TIAM1: variants seen among roughly 807,000 people sequenced by gnomAD.
TIAM1 encodes the protein rho guanine nucleotide exchange factor TIAM1.
Under a neutral mutation model 163.5 loss-of-function variants are expected in TIAM1, and 65 were observed. The ratio of observed to expected loss-of-function variants is 0.40; its 90% CI spans 0.33 to 0.49. TIAM1 has a LOEUF of 0.49. TIAM1 is among the 20% of genes least tolerant of loss of function. The pLI is 0.77. For missense variants in TIAM1, 1,789 were observed against 2,044.7 expected, an observed-to-expected ratio of 0.87 and a Z score of 2.41; for synonymous variants, 833 against 810.1, an observed-to-expected ratio of 1.03 and a Z score of -0.48.
chr21:31,287,526 C>T (rs574241002), intron 2 of TIAM1, among the ~76,000 whole-genome samples: 5 of 152,100 alleles, frequency 3.3e-5, no homozygotes, highest in Admixed American at 1.3e-4. Context: ...GAGAGGCTCT[C>T]GGTTGAACCT....
At chr21:31,151,717 C>G (rs1033599436) in intron 19 of TIAM1, among the ~76,000 whole-genome samples, 1 of 152,094 alleles carries the variant, frequency 6.6e-6, no homozygotes, top group Admixed American at 6.5e-5. Flanking sequence ...GCAGCATATT[C>G]TACTGCACAA....
At chr21:31,430,225 AATATATATATATATAT>A (rs35708801) in intron 2 of TIAM1, among the ~76,000 whole-genome samples, 12 of 90,234 alleles carry the variant, frequency 1.3e-4, no homozygotes, top group African/African-American at 6.9e-4. Flanking sequence ...AAAAAAAAAA[AATATATATATATATAT>A]ATATATACAC....
chr21:31,155,242 A>G (rs1405543342), intron 16 of TIAM1, among the ~76,000 whole-genome samples: 1 of 152,218 alleles, frequency 6.6e-6, no homozygotes, highest in Non-Finnish European at 1.5e-5. Context: ...AGTTCTCCAA[A>G]GCAAGGGCTG....
intron 2 of TIAM1, among the ~76,000 whole-genome samples, chr21:31,384,609 C>A (rs1477421696): frequency 6.6e-6 from 1 of 151,966 alleles, no homozygotes; most frequent in African/African-American, 2.4e-5. Flanking sequence ...TCCCAACCTC[C>A]TTGAATTATT....
intron 2 of TIAM1, among the ~76,000 whole-genome samples, chr21:31,460,436 G>A (rs1275012835): frequency 4.6e-5 from 7 of 152,148 alleles, no homozygotes; most frequent in Admixed American, 4.6e-4. Flanking sequence ...AGATCAGCCT[G>A]GCCAACATAG....
At chr21:31,271,704 A>ATAGTCAGGGTAATAG in intron 3 of TIAM1, among the ~76,000 whole-genome samples, 2 of 99,996 alleles carry the variant, frequency 2.0e-5, no homozygotes, top group Admixed American at 1.1e-4. Flanking sequence ...TGAGAGGGCA[A>ATAGTCAGGGTAATAG]GTGTAGAACT....
At chr21:31,302,435 A>G (rs1333002864) in intron 2 of TIAM1, among the ~76,000 whole-genome samples, 1 of 152,236 alleles carries the variant, frequency 6.6e-6, no homozygotes, top group Non-Finnish European at 1.5e-5. Flanking sequence ...GTATTAATGA[A>G]TGCTGTCTTT....
In TIAM1 at chr21:31,492,043, A is replaced by ATG. The variant is rs747327262; in HGVS notation, c.-421-28010_-421-28009dup. 2.6e-4 allele frequency among the ~76,000 whole-genome samples: 36 copies of ATG among 141,096 alleles called. No homozygotes were observed. In the South Asian group the frequency reaches 4.3e-3, roughly 17 times the overall value. The allele number at this position is 141,096 out of a possible 152,430, so 92.6% of individuals were successfully genotyped here. A position where few individuals can be genotyped will look rare whatever the true frequency, so the allele number is the denominator to read the frequency against. On this transcript the variant is annotated intron_variant, in intron 1 of 28. Coordinates refer to the TIAM1 transcript ENST00000286827. ...AAGCATTAAAAATAATTACTTATATATGTGTGTATATATATATGTGATGTG... is the reference window on the plus strand; with the variant it reads ...AAGCATTAAAAATAATTACTTATATATGTGTGTGTATATATATATGTGATGTG...
rs1225762072 is a variant in TIAM1, at chr21:31,462,749, GTTT to G, written c.-369+1231_-369+1233del. Among the ~76,000 whole-genome samples the G allele has an allele frequency of 1.3e-3, 27 of 21,170 alleles. 1 individual carries two copies. The highest frequency in any genetic ancestry group is 6.0e-3 in the East Asian group (1 of 168). The allele number at this position is 21,170 out of a possible 152,430, so 13.9% of individuals were successfully genotyped here. A position where few individuals can be genotyped will look rare whatever the true frequency, so the allele number is the denominator to read the frequency against. ...CCCCACTTTTTTGTTTTTTTTTTTT[GTTT>G]TTTTTTTTGAGACCAAGTCTCACTC... is the stretch of plus-strand genomic sequence containing the variant. On this transcript the variant is annotated intron_variant, in intron 2 of 28. Transcript: ENST00000286827.
rs76096786 is a variant in TIAM1, at chr21:31,257,290, G to A, written c.964-5101C>T. ...AACAACCCATTCCTTTTCTTCTAAC[G>A]ATTTCCAATGGGAGTGACTCACAAT... On this transcript the variant is annotated intron_variant, in intron 4 of 27. Transcript: ENST00000541036. 5.2e-3 allele frequency among the ~76,000 whole-genome samples: 789 copies of A among 151,922 alleles called. 6 individuals carry two copies. The highest frequency in any genetic ancestry group is 0.018 in the African/African-American group (737 of 41,406).
At chr21:31,500,548 T>C (rs901678405) in intron 1 of TIAM1, among the ~76,000 whole-genome samples, 1 of 152,164 alleles carries the variant, frequency 6.6e-6, no homozygotes, top group East Asian at 1.9e-4. Flanking sequence ...AATATGACCT[T>C]ATCTGGAAAC....
chr21:31,133,093 ATCCT>A (rs1424608327), intron 23 of TIAM1, among the ~76,000 whole-genome samples: 2 of 152,100 alleles, frequency 1.3e-5, no homozygotes, highest in African/African-American at 4.8e-5. Context: ...GGTAACCATG[ATCCT>A]TCCTTCACAG....
chr21:31,150,384 C>G (rs2083320863), intron 19 of TIAM1, among the ~76,000 whole-genome samples: 1 of 152,086 alleles, frequency 6.6e-6, no homozygotes, highest in Non-Finnish European at 1.5e-5. Context: ...TAGATTCCTG[C>G]AAGTGTTAGA....
Position 31,127,171 on chromosome 21 carries a change from C to T in TIAM1, c.4046-19G>A. 1.2e-6 allele frequency: 2 copies of T among 1,609,278 alleles called. No individual in the cohort carries two copies. The highest frequency in any genetic ancestry group is 1.7e-6 in the Non-Finnish European group (2 of 1,175,802). On this transcript the variant is annotated intron_variant, in intron 25 of 27. Coordinates refer to ENST00000541036, the MANE Select transcript of TIAM1 (RefSeq NM_001353694.2). ...TCTGCATCTAAAGAAATTAAAACAACAATGAATCAGGGTATGTTTCAAGTG... is the reference window on the plus strand; with the variant it reads ...TCTGCATCTAAAGAAATTAAAACAATAATGAATCAGGGTATGTTTCAAGTG...
chr21:31,202,388 C>CAA (rs11357943), intron 12 of TIAM1, among the ~76,000 whole-genome samples: 4 of 128,802 alleles, frequency 3.1e-5, no homozygotes, highest in Non-Finnish European at 5.2e-5. Flanking sequence ...CCTGTCTCTA[C>CAA]AAAAAAAAAA....
intron 2 of TIAM1, among the ~76,000 whole-genome samples, chr21:31,385,884 A>G (rs7282338): frequency 1.7e-4 from 25 of 145,530 alleles, no homozygotes; most frequent in Non-Finnish European, 3.3e-4. Flanking sequence ...TATATTAGTT[A>G]ATATAATTAT....
intron 2 of TIAM1, among the ~76,000 whole-genome samples, chr21:31,332,691 C>G: frequency 6.6e-6 from 1 of 151,620 alleles, no homozygotes; most frequent in East Asian, 1.9e-4. Context: ...CTGGAACCAC[C>G]CAGAGAAAAT....
intron 1 of TIAM1, among the ~76,000 whole-genome samples, chr21:31,551,213 CAAAACA>C (rs1045121007): frequency 5.3e-5 from 8 of 151,676 alleles, no homozygotes; most frequent in African/African-American, 1.7e-4. Context: ...GACTCCATCT[CAAAACA>C]AAAACAAAAA....
chr21:31,471,739 C>G (rs2045747411), intron 1 of TIAM1, among the ~76,000 whole-genome samples: 1 of 151,978 alleles, frequency 6.6e-6, no homozygotes, highest in Non-Finnish European at 1.5e-5. Context: ...CATGGTGGTG[C>G]GTGCCTGTAA....
Sources: gnomAD v4.1 joint callset for allele counts (sites outside exome capture counted in the v4.1 genomes callset) on GRCh38, gnomAD v4.1.1 for gene constraint, MANE v1.5 for transcripts, NCBI Gene and HGNC (gene_info 2026-07-23, HGNC 2026-07-21) for gene names.